SLCO3A1: variants seen among roughly 807,000 people sequenced by gnomAD.
The protein encoded by SLCO3A1 is solute carrier organic anion transporter family member 3A1, also known as PGE1 transporter.
SLCO3A1 carries 27 observed loss-of-function variants against 63.1 expected under a neutral mutation model. The ratio of observed to expected loss-of-function variants is 0.43; its 90% CI spans 0.32 to 0.59. SLCO3A1 has a LOEUF of 0.59. SLCO3A1 is among the 20% of genes least tolerant of loss of function. The probability of loss-of-function intolerance (pLI) is 0.09; values close to 1 mark genes in which losing one functional copy is unlikely to be tolerated. For missense variants in SLCO3A1, 773 were observed against 945.8 expected (o/e 0.82, Z 2.40); for synonymous variants, 473 against 409.9 (o/e 1.15, Z -1.86).
intron 7 of SLCO3A1, among the ~76,000 whole-genome samples, chr15:92,135,827 T>A (rs532319268): frequency 6.6e-6 from 1 of 152,288 alleles, no homozygotes; most frequent in South Asian, 2.1e-4. Context: ...AGGAAGAGCA[T>A]GGCCTGTGGT....
At chr15:91,949,137 C>A (rs1899910885) in intron 2 of SLCO3A1, among the ~76,000 whole-genome samples, 1 of 152,144 alleles carries the variant, frequency 6.6e-6, no homozygotes, top group Non-Finnish European at 1.5e-5. Context: ...AAAGGCTAGA[C>A]TGTGTGCAGC....
chr15:92,033,687 ATAAC>A lies in SLCO3A1; in HGVS notation c.647-61190_647-61187del, dbSNP rs1485111601. On this transcript the variant is annotated intron_variant, in intron 2 of 9. Transcript: ENST00000318445. The surrounding 1 kb of genome is among the most constrained non-coding windows in gnomAD (Gnocchi z 4.5). ...GTGAGGGAGAGAGACAGTAAACAAT[ATAAC>A]TAAGAAGAGTAGGTGGTGGCTCGCT... 2.0e-5 allele frequency among the ~76,000 whole-genome samples: 3 copies of A among 152,218 alleles called. No homozygotes were observed. The East Asian group carries it at 5.8e-4, about 29-fold the overall frequency.
At chr15:91,931,632 G>A (rs778604531) in intron 2 of SLCO3A1, among the ~76,000 whole-genome samples, 1 of 151,916 alleles carries the variant, frequency 6.6e-6, no homozygotes, top group Non-Finnish European at 1.5e-5. Flanking sequence ...CACTGCGTCG[G>A]GCTAATTTTT....
intron 2 of SLCO3A1, among the ~76,000 whole-genome samples, chr15:92,088,452 G>C (rs1357424332): frequency 6.6e-6 from 1 of 152,176 alleles, no homozygotes; most frequent in Non-Finnish European, 1.5e-5. Flanking sequence ...AGAAGTCTTG[G>C]AGTTTAACCC....
intron 2 of SLCO3A1, among the ~76,000 whole-genome samples, chr15:91,958,845 A>G (rs1439770091): frequency 3.9e-5 from 6 of 152,216 alleles, no homozygotes; most frequent in African/African-American, 9.6e-5. Context: ...TACAGCCACT[A>G]TGGAAAACAG....
intron 2 of SLCO3A1, among the ~76,000 whole-genome samples, chr15:92,005,697 G>A (rs1041535400): frequency 6.6e-6 from 1 of 152,166 alleles, no homozygotes; most frequent in Admixed American, 6.5e-5. Flanking sequence ...ACACCTGACC[G>A]CTGAGGGATG....
rs769994687 is a variant in SLCO3A1, at chr15:92,126,254, A to C, written c.1368A>C (p.Gly456=). Residue 456 remains glycine (G), a synonymous_variant, in exon 6 of 10, where the codon GGA becomes GGC. Coordinates refer to ENST00000318445, the MANE Select transcript of SLCO3A1 (RefSeq NM_013272.4). ...GPVAGVTVPY[G]NSTAPGSALD... Reference sequence around the variant, plus strand: ...TGGCTGGGGTTACTGTTCCCTATGGAAACAGGTGAGTACTGGCAGTGTCTG... The same window carrying C: ...TGGCTGGGGTTACTGTTCCCTATGGCAACAGGTGAGTACTGGCAGTGTCTG... 2.5e-6 allele frequency: 4 copies of C among 1,613,472 alleles called. No individual in the cohort carries two copies. In the African/African-American group the frequency reaches 5.3e-5, roughly 22 times the overall value.
intron 2 of SLCO3A1, among the ~76,000 whole-genome samples, chr15:92,051,922 A>T (rs1180744704): frequency 6.6e-6 from 1 of 152,136 alleles, no homozygotes; most frequent in Non-Finnish European, 1.5e-5. Flanking sequence ...AGATGTCAGT[A>T]CTATTTTGGG....
intron 2 of SLCO3A1, among the ~76,000 whole-genome samples, chr15:92,030,474 A>C (rs1413331491): frequency 6.6e-6 from 1 of 152,166 alleles, no homozygotes; most frequent in East Asian, 1.9e-4. Context: ...CACAGCCATT[A>C]CTATGCCGTC....
chr15:92,126,098 C>T lies in SLCO3A1; in HGVS notation c.1212C>T (p.Phe404=), dbSNP rs1006243163. 1.9e-6 allele frequency: 3 copies of T among 1,613,622 alleles called. No homozygotes were observed. In the African/African-American group the frequency reaches 4.0e-5, roughly 22 times the overall value. The change falls in exon 6 of 10, where the codon TTC becomes TTT. Residue 404 remains phenylalanine (F), a synonymous_variant. Coordinates refer to ENST00000318445, the MANE Select transcript of SLCO3A1 (RefSeq NM_013272.4). ...TAIPCACLGI[F]LGGLLVKKLS... ...TCCCGTGTGCTTGTCTGGGTATCTTCCTGGGAGGTCTTTTGGTGAAGAAGC... is the reference window on the plus strand; with the variant it reads ...TCCCGTGTGCTTGTCTGGGTATCTTTCTGGGAGGTCTTTTGGTGAAGAAGC...
intron 2 of SLCO3A1, among the ~76,000 whole-genome samples, chr15:91,989,109 C>T (rs1387602434): frequency 1.3e-5 from 2 of 152,224 alleles, no homozygotes; most frequent in East Asian, 3.8e-4. Context: ...GGGACCATCA[C>T]TCGCAGATAA....
chr15:92,102,355 G>A (rs2047615681), intron 3 of SLCO3A1, among the ~76,000 whole-genome samples: 1 of 152,078 alleles, frequency 6.6e-6, no homozygotes, highest in Non-Finnish European at 1.5e-5. Context: ...CCTATTTTGA[G>A]ATTCTCATTT....
chr15:92,089,676 C>A (rs1403358360), intron 2 of SLCO3A1, among the ~76,000 whole-genome samples: 1 of 152,052 alleles, frequency 6.6e-6, no homozygotes, highest in African/African-American at 2.4e-5. Context: ...TCTTTTCTTC[C>A]CCAGGGTCCA....
At chr15:91,878,550 T>C (rs905420113) in intron 1 of SLCO3A1, among the ~76,000 whole-genome samples, 1 of 152,202 alleles carries the variant, frequency 6.6e-6, no homozygotes, top group East Asian at 1.9e-4. Flanking sequence ...GATGGGACAC[T>C]TGAAGCTTCC....
chr15:92,136,326 T>C (rs2048056764), intron 7 of SLCO3A1, among the ~76,000 whole-genome samples: 1 of 152,152 alleles, frequency 6.6e-6, no homozygotes, highest in Non-Finnish European at 1.5e-5. Flanking sequence ...ATCATCAGGA[T>C]TGGATGTGGG....
At chr15:92,024,486 T>C (rs2046546893) in intron 2 of SLCO3A1, among the ~76,000 whole-genome samples, 1 of 152,228 alleles carries the variant, frequency 6.6e-6, no homozygotes, top group Non-Finnish European at 1.5e-5. Flanking sequence ...TTAAGTGGAA[T>C]TTATGCTACC....
intron 2 of SLCO3A1, among the ~76,000 whole-genome samples, chr15:92,057,805 A>T (rs1342718919): frequency 1.3e-5 from 2 of 152,214 alleles, no homozygotes; most frequent in Non-Finnish European, 2.9e-5. Context: ...TTGGTTGCAG[A>T]AGGGAGAGGG....
chr15:92,155,063 T>A (rs1312279107), intron 9 of SLCO3A1: 1 of 151,888 alleles, frequency 6.6e-6, no homozygotes, highest in Non-Finnish European at 1.5e-5. Flanking sequence ...CATGGACAAG[T>A]TTATGTTGTT....
chr15:91,914,933 T>C lies in SLCO3A1; in HGVS notation c.181-1060T>C, dbSNP rs558176701. Among the ~76,000 whole-genome samples, 12 of 152,270 alleles carry C rather than the reference T, an allele frequency of 7.9e-5. 1 individual carries two copies. The East Asian group carries it at 1.7e-3, about 22-fold the overall frequency. On this transcript the variant is annotated intron_variant, in intron 1 of 9. Coordinates refer to ENST00000318445, the MANE Select transcript of SLCO3A1 (RefSeq NM_013272.4). ...CTATCTTTGGCTCATGCTGTTCCTT[T>C]TGCCTGAAATGTTCTTCCCTACTCA...
Sources: gnomAD v4.1 joint callset for allele counts (sites outside exome capture counted in the v4.1 genomes callset) on GRCh38, gnomAD v4.1.1 for gene constraint, Gnocchi (gnomAD v3.1) non-coding constraint, MANE v1.5 for transcripts, NCBI Gene and HGNC (gene_info 2026-07-23, HGNC 2026-07-21) for gene names.